The following CDH20 variants were observed in gnomAD, a reference collection of about 807,000 sequenced individuals.
CDH20 encodes cadherin-20.
A neutral mutation model predicts 74.2 loss-of-function variants in CDH20; 29 were observed. The observed-to-expected ratio is 0.39, with a 90% CI of 0.29 to 0.53. The LOEUF (loss-of-function observed/expected upper bound fraction) is 0.53. Ranked by LOEUF, CDH20 falls within the 20% of genes least tolerant of loss-of-function variation. The probability of loss-of-function intolerance (pLI) is 0.69; values close to 1 mark genes in which losing one functional copy is unlikely to be tolerated. For missense variants in CDH20, 988 were observed against 1,048.3 expected, an observed-to-expected ratio of 0.94 and a Z score of 0.79; for synonymous variants, 469 against 405.4, an observed-to-expected ratio of 1.16 and a Z score of -1.88.
chr18:61,400,813 A>C lies in CDH20; in HGVS notation c.-153+66986A>C, dbSNP rs187495890. 4.3e-3 allele frequency among the ~76,000 whole-genome samples: 656 copies of C among 152,338 alleles called. 2 individuals carry two copies. Among genetic ancestry groups the C allele is most frequent in the Non-Finnish European group, 6.2e-3 (425 of 68,024 alleles). On this transcript the variant is annotated intron_variant, in intron 1 of 11. Coordinates refer to ENST00000262717, the MANE Select transcript of CDH20 (RefSeq NM_031891.4). ...AAGGCTATCTTGGAATTCAGAACCA[A>C]AGAATGAGCTCTGGTCAGTCTTTGG...
chr18:61,528,875 C>A (rs999025508), intron 7 of CDH20, among the ~76,000 whole-genome samples: 1 of 152,140 alleles, frequency 6.6e-6, no homozygotes, highest in African/African-American at 2.4e-5. Flanking sequence ...ATTCCACATA[C>A]TATAGAAAGA....
intron 1 of CDH20, among the ~76,000 whole-genome samples, chr18:61,428,471 A>T (rs917692417): frequency 6.6e-6 from 1 of 152,196 alleles, no homozygotes; most frequent in African/African-American, 2.4e-5. Flanking sequence ...AAGCGGTAGC[A>T]CAGCCACAGA....
At chr18:61,443,888 T>C (rs757467007) in intron 1 of CDH20, among the ~76,000 whole-genome samples, 7 of 151,958 alleles carry the variant, frequency 4.6e-5, no homozygotes, top group Non-Finnish European at 8.8e-5. Context: ...AGTACAACAC[T>C]GGTAGGGATC....
chr18:61,450,070 C>T (rs1163829800), intron 1 of CDH20, among the ~76,000 whole-genome samples: 4 of 152,022 alleles, frequency 2.6e-5, no homozygotes, highest in Admixed American at 6.6e-5. Flanking sequence ...GTAGCAGCAG[C>T]AGCAGCAGCA....
intron 1 of CDH20, among the ~76,000 whole-genome samples, chr18:61,434,750 T>C (rs1908776460): frequency 6.6e-6 from 1 of 152,170 alleles, no homozygotes; most frequent in African/African-American, 2.4e-5. Flanking sequence ...TACAGCTTAT[T>C]AATTATTGAG....
At chr18:61,537,601 G>A (rs773957860) in intron 8 of CDH20, among the ~76,000 whole-genome samples, 2 of 152,026 alleles carry the variant, frequency 1.3e-5, no homozygotes, top group African/African-American at 2.4e-5. Flanking sequence ...TCTGTGTCAG[G>A]GGGAGGGTGT....
intron 1 of CDH20, among the ~76,000 whole-genome samples, chr18:61,447,669 G>A (rs890391863): frequency 2.6e-5 from 4 of 152,206 alleles, no homozygotes; most frequent in African/African-American, 4.8e-5. Flanking sequence ...TATGCGGTAA[G>A]CAGACATTTA....
chr18:61,496,413 C>T (rs1159724873), intron 2 of CDH20, among the ~76,000 whole-genome samples: 1 of 151,032 alleles, frequency 6.6e-6, no homozygotes, highest in Non-Finnish European at 1.5e-5. Flanking sequence ...CTAGCACCAT[C>T]CATACGGAAC....
In CDH20 at chr18:61,500,522, A is replaced by G. The variant is rs1356472338; in HGVS notation, c.661+20A>G. On this transcript the variant is annotated intron_variant, in intron 4 of 11. Coordinates refer to ENST00000262717, the MANE Select transcript of CDH20 (RefSeq NM_031891.4). ...AAACAGGTATCTGATACAAGGGTCG[A>G]GTCAGAGGTGTTTATTCCCTGATAA... is the stretch of plus-strand genomic sequence containing the variant. 6.3e-7 allele frequency: 1 copy of G among 1,596,326 alleles called. No homozygotes were observed. The highest frequency in any genetic ancestry group is 1.3e-5 in the African/African-American group (1 of 74,460).
At chr18:61,423,578 T>C (rs1213786076) in intron 1 of CDH20, among the ~76,000 whole-genome samples, 1 of 152,146 alleles carries the variant, frequency 6.6e-6, no homozygotes, top group Non-Finnish European at 1.5e-5. Context: ...AAATTTCTTT[T>C]TTTTTTCTTT....
intron 6 of CDH20, among the ~76,000 whole-genome samples, chr18:61,520,829 T>C (rs1599143326): frequency 6.6e-6 from 1 of 151,404 alleles, no homozygotes; most frequent in East Asian, 1.9e-4. Context: ...AACCTGCTCC[T>C]GAATGACTAC....
chr18:61,416,610 G>A (rs1299260230), intron 1 of CDH20, among the ~76,000 whole-genome samples: 2 of 152,196 alleles, frequency 1.3e-5, no homozygotes, highest in South Asian at 2.1e-4. Flanking sequence ...TGGGCCTAGG[G>A]AAGAAAGTGT....
intron 1 of CDH20, among the ~76,000 whole-genome samples, chr18:61,383,667 C>T (rs906365821): frequency 6.6e-6 from 1 of 152,180 alleles, no homozygotes; most frequent in South Asian, 2.1e-4. Flanking sequence ...ATTTACATAT[C>T]TGAAATTCTA....
At chr18:61,487,108 A>T (rs529287840) in intron 1 of CDH20, among the ~76,000 whole-genome samples, 1 of 152,204 alleles carries the variant, frequency 6.6e-6, no homozygotes. Context: ...AACTTTTAAA[A>T]GACTCATTTA....
At chr18:61,365,123 G>A (rs1394023780) in intron 1 of CDH20, among the ~76,000 whole-genome samples, 1 of 152,110 alleles carries the variant, frequency 6.6e-6, no homozygotes, top group East Asian at 1.9e-4. Flanking sequence ...ACACTGTCTA[G>A]GAGCAGACAC....
intron 1 of CDH20, among the ~76,000 whole-genome samples, chr18:61,421,562 C>A (rs1198680421): frequency 6.6e-6 from 1 of 152,104 alleles, no homozygotes; most frequent in East Asian, 1.9e-4. Flanking sequence ...TAAACTATCA[C>A]CTGGTGTTCA....
At chr18:61,458,131 A>G (rs1383880061) in intron 1 of CDH20, among the ~76,000 whole-genome samples, 2 of 152,092 alleles carry the variant, frequency 1.3e-5, no homozygotes, top group Non-Finnish European at 2.9e-5. Context: ...TCTTGCTATG[A>G]GACCTTCTCC....
chr18:61,350,428 A>G (rs1052645585), intron 1 of CDH20, among the ~76,000 whole-genome samples: 5 of 152,090 alleles, frequency 3.3e-5, no homozygotes, highest in Non-Finnish European at 5.9e-5. Flanking sequence ...TTGAGTTAAT[A>G]TATCATGGTA....
chr18:61,359,378 A>G (rs1431750227), intron 1 of CDH20, among the ~76,000 whole-genome samples: 2 of 151,770 alleles, frequency 1.3e-5, no homozygotes, highest in African/African-American at 4.8e-5. Context: ...CTAGGTGAGC[A>G]GCAGAAAAAA....
Sources: gnomAD v4.1 joint callset for allele counts (sites outside exome capture counted in the v4.1 genomes callset) on GRCh38, gnomAD v4.1.1 for gene constraint, MANE v1.5 for transcripts, NCBI Gene and HGNC (gene_info 2026-07-23, HGNC 2026-07-21) for gene names.